Variants in ADGRL3 observed in about 807,000 individuals in gnomAD.
ADGRL3 encodes the protein calcium-independent alpha-latrotoxin receptor 3.
ADGRL3 carries 62 observed loss-of-function variants against 153.5 expected under a neutral mutation model. That is an observed-to-expected ratio of 0.40 (90% CI 0.33 to 0.50). The LOEUF (loss-of-function observed/expected upper bound fraction) is 0.50. ADGRL3 is among the 20% of genes least tolerant of loss of function. The pLI, the probability that ADGRL3 is intolerant of heterozygous loss-of-function variation, is 0.47. For missense variants in ADGRL3, 1,641 were observed against 1,859.4 expected (o/e 0.88, Z 2.16); for synonymous variants, 710 against 672.5 (o/e 1.06, Z -0.86).
intron 1 of ADGRL3, among the ~76,000 whole-genome samples, chr4:61,294,569 G>T (rs1051497721): frequency 6.6e-6 from 1 of 152,040 alleles, no homozygotes; most frequent in Non-Finnish European, 1.5e-5. Context: ...ATGCATCGTG[G>T]TAATTGATAG....
intron 4 of ADGRL3, among the ~76,000 whole-genome samples, chr4:61,581,861 T>C (rs1213986310): frequency 6.6e-6 from 1 of 152,104 alleles, no homozygotes; most frequent in Non-Finnish European, 1.5e-5. Flanking sequence ...TTCCTAAACG[T>C]TGTTCAAATA....
chr4:61,573,810 A>T (rs1180903146), intron 4 of ADGRL3, among the ~76,000 whole-genome samples: 1 of 151,980 alleles, frequency 6.6e-6, no homozygotes, highest in Non-Finnish European at 1.5e-5. Context: ...AAGCTTGGAC[A>T]TATGTAACAA....
At chr4:61,805,727 A>G (rs1291078795) in intron 8 of ADGRL3, among the ~76,000 whole-genome samples, 2 of 152,186 alleles carry the variant, frequency 1.3e-5, no homozygotes, top group Non-Finnish European at 2.9e-5. Flanking sequence ...TAATAATTGT[A>G]TTATTTTGGA....
At chr4:61,417,836 G>A (rs2076242839) in intron 2 of ADGRL3, among the ~76,000 whole-genome samples, 1 of 152,054 alleles carries the variant, frequency 6.6e-6, no homozygotes, top group Non-Finnish European at 1.5e-5. Flanking sequence ...ACCTTTGACT[G>A]CAGCATAGGT....
chr4:61,499,229 A>T (rs897081083), intron 3 of ADGRL3, among the ~76,000 whole-genome samples: 2 of 152,242 alleles, frequency 1.3e-5, no homozygotes, highest in Admixed American at 1.3e-4. Context: ...TGGATGCAAC[A>T]TATTTAGTTC....
chr4:61,524,760 T>G (rs796940222), intron 4 of ADGRL3, among the ~76,000 whole-genome samples: 85 of 152,228 alleles, frequency 5.6e-4, no homozygotes, highest in African/African-American at 1.9e-3. Flanking sequence ...ATCCCTTTTT[T>G]TGACTTTCTG....
chr4:61,332,325 T>C (rs1341685938), intron 1 of ADGRL3, among the ~76,000 whole-genome samples: 4 of 152,114 alleles, frequency 2.6e-5, no homozygotes, highest in African/African-American at 9.7e-5. Context: ...TCTTCGATAG[T>C]TAAGTGTTCT....
intron 11 of ADGRL3, among the ~76,000 whole-genome samples, chr4:61,899,882 C>T (rs1258183672): frequency 1.3e-5 from 2 of 152,192 alleles, no homozygotes; most frequent in African/African-American, 2.4e-5. Context: ...TAATCCCAGT[C>T]ATTAGGGCTC....
At position 61,694,858 on chromosome 4, in the gene ADGRL3, G is replaced by A. The variant is rs549765213; in HGVS notation, c.583+17923G>A. Among the ~76,000 whole-genome samples, 3 of 152,270 alleles carry A rather than the reference G, an allele frequency of 2.0e-5. No homozygotes were observed. In the East Asian group the frequency reaches 5.8e-4, roughly 29 times the overall value. On this transcript the variant is annotated intron_variant, in intron 6 of 26. Coordinates refer to ENST00000683033, the MANE Select transcript of ADGRL3 (RefSeq NM_001387552.1). The stretch of plus-strand genomic sequence containing the variant: ...TATGTAATATTCCAAATCCTTTGTT[G>A]TCGTTTTAACAATTTTCACAGCATC...
intron 9 of ADGRL3, 122 bp from the exon 10 acceptor site, chr4:61,892,534 G>A: frequency 1.4e-6 from 1 of 689,696 alleles, no homozygotes; most frequent in Admixed American, 2.9e-5. Context: ...TCAGGTTGAA[G>A]ACTTCTAGAG....
At chr4:61,522,529 T>A (rs2098537415) in intron 4 of ADGRL3, among the ~76,000 whole-genome samples, 2 of 152,154 alleles carry the variant, frequency 1.3e-5, no homozygotes, top group Non-Finnish European at 2.9e-5. Context: ...TAATTTTACG[T>A]ACGATGATGT....
chr4:62,019,719 T>G (rs1560514167), intron 21 of ADGRL3, among the ~76,000 whole-genome samples: 1 of 152,120 alleles, frequency 6.6e-6, no homozygotes, highest in Non-Finnish European at 1.5e-5. Flanking sequence ...TCTTGTGCAG[T>G]AGATGTGCAG....
chr4:61,310,556 A>T (rs1373533706), intron 1 of ADGRL3, among the ~76,000 whole-genome samples: 1 of 152,106 alleles, frequency 6.6e-6, no homozygotes, highest in Non-Finnish European at 1.5e-5. Context: ...TTCAAAGAGA[A>T]TATTTTGGAA....
At chr4:61,534,484 A>G (rs909086933) in intron 4 of ADGRL3, among the ~76,000 whole-genome samples, 2 of 152,072 alleles carry the variant, frequency 1.3e-5, no homozygotes, top group African/African-American at 4.8e-5. Context: ...AATGATGTCA[A>G]TAATTTGATA....
At chr4:61,440,388 G>T (rs2097514274) in intron 2 of ADGRL3, among the ~76,000 whole-genome samples, 1 of 152,124 alleles carries the variant, frequency 6.6e-6, no homozygotes, top group South Asian at 2.1e-4. Context: ...CTTGCGTTTT[G>T]ACTATTTTTG....
intron 20 of ADGRL3, among the ~76,000 whole-genome samples, chr4:61,997,417 G>A (rs184144024): frequency 6.6e-6 from 1 of 151,880 alleles, no homozygotes; most frequent in African/African-American, 2.4e-5. Context: ...TTTTGGATTT[G>A]GGGATGATTG....
intron 8 of ADGRL3, among the ~76,000 whole-genome samples, chr4:61,794,992 T>C (rs771271415): frequency 1.3e-5 from 2 of 152,228 alleles, no homozygotes; most frequent in East Asian, 1.9e-4. Flanking sequence ...ATAATTCCTA[T>C]GCAGTAAAAG....
intron 1 of ADGRL3, among the ~76,000 whole-genome samples, chr4:61,310,449 C>A: frequency 6.6e-6 from 1 of 152,072 alleles, no homozygotes; most frequent in African/African-American, 2.4e-5. Context: ...AGAACAATAC[C>A]GATTTTCCAT....
intron 13 of ADGRL3, among the ~76,000 whole-genome samples, chr4:61,930,593 T>A (rs2098813725): frequency 6.6e-6 from 1 of 152,248 alleles, no homozygotes; most frequent in Non-Finnish European, 1.5e-5. Flanking sequence ...TTATATGCTA[T>A]GAGTAATATT....
Sources: gnomAD v4.1 joint callset for allele counts (sites outside exome capture counted in the v4.1 genomes callset) on GRCh38, gnomAD v4.1.1 for gene constraint, MANE v1.5 for transcripts, NCBI Gene and HGNC (gene_info 2026-07-23, HGNC 2026-07-21) for gene names.